DAB1: variants seen among roughly 807,000 people sequenced by gnomAD.
DAB1 encodes DAB adaptor protein 1.
Under a neutral mutation model 64.6 loss-of-function variants are expected in DAB1, and 15 were observed. The observed-to-expected ratio is 0.23, with a 90% CI of 0.16 to 0.36. The LOEUF (loss-of-function observed/expected upper bound fraction) is 0.36, where lower values mean the gene tolerates loss of function less well. Ranked by LOEUF, DAB1 falls within the 10% of genes least tolerant of loss-of-function variation. The pLI is 1.00. For synonymous variants in DAB1, 235 were observed against 251.9 expected (o/e 0.93, Z 0.64); for missense variants, 596 against 706.7 (o/e 0.84, Z 1.78).
At chr1:57,892,802 A>T (rs1036740891) in intron 5 of DAB1, among the ~76,000 whole-genome samples, 1 of 152,232 alleles carries the variant, frequency 6.6e-6, no homozygotes, top group African/African-American at 2.4e-5. Flanking sequence ...GGAACCCTGG[A>T]CAATTCCTGA....
intron 5 of DAB1, among the ~76,000 whole-genome samples, chr1:57,955,279 A>G (rs1338936276): frequency 6.6e-6 from 1 of 151,946 alleles, no homozygotes; most frequent in African/African-American, 2.4e-5. Flanking sequence ...CACCTCAACC[A>G]TCTCATAAAC....
intron 2 of DAB1, among the ~76,000 whole-genome samples, chr1:57,252,221 A>G (rs1030983630): frequency 2.6e-4 from 39 of 152,202 alleles, no homozygotes; most frequent in African/African-American, 8.9e-4. Flanking sequence ...TTATCAGCGC[A>G]AATCTGGCCC....
chr1:57,409,205 G>T (rs540028250), intron 1 of DAB1, among the ~76,000 whole-genome samples: 5 of 152,324 alleles, frequency 3.3e-5, no homozygotes, highest in African/African-American at 1.2e-4. Flanking sequence ...AGAGGTAGCA[G>T]ATAGTGTTAC....
At chr1:58,026,451 G>T (rs1461332691) in intron 5 of DAB1, among the ~76,000 whole-genome samples, 1 of 152,112 alleles carries the variant, frequency 6.6e-6, no homozygotes, top group Non-Finnish European at 1.5e-5. Context: ...AATCTCATAA[G>T]GCTGTTATGG....
intron 2 of DAB1, among the ~76,000 whole-genome samples, chr1:58,514,315 C>T (rs924421954): frequency 6.6e-6 from 1 of 152,128 alleles, no homozygotes; most frequent in Non-Finnish European, 1.5e-5. Flanking sequence ...AAAAATTGTT[C>T]TTATAATTTC....
chr1:57,117,040 A>G (rs954851242), intron 4 of DAB1, among the ~76,000 whole-genome samples: 2 of 152,204 alleles, frequency 1.3e-5, no homozygotes, highest in African/African-American at 4.8e-5. Context: ...TTGTACCTAC[A>G]TGGAAAAAAC....
intron 1 of DAB1, among the ~76,000 whole-genome samples, chr1:57,296,561 T>G (rs967532947): frequency 2.0e-5 from 3 of 151,942 alleles, no homozygotes; most frequent in African/African-American, 7.3e-5. Flanking sequence ...AAACAAAAAA[T>G]GATGAGAGAA....
At chr1:57,988,033 C>T (rs1646265759) in intron 5 of DAB1, among the ~76,000 whole-genome samples, 1 of 152,016 alleles carries the variant, frequency 6.6e-6, no homozygotes, top group Non-Finnish European at 1.5e-5. Flanking sequence ...ATTGGGTTGT[C>T]CCTACTGAGC....
chr1:57,177,327 A>G (rs2100950969), intron 2 of DAB1, among the ~76,000 whole-genome samples: 1 of 152,254 alleles, frequency 6.6e-6, no homozygotes, highest in East Asian at 1.9e-4. Context: ...GAGCACTCCC[A>G]TGTTGTGTAG....
chr1:57,380,784 T>C (rs1681305650), intron 1 of DAB1, among the ~76,000 whole-genome samples: 1 of 152,188 alleles, frequency 6.6e-6, no homozygotes, highest in Admixed American at 6.5e-5. Context: ...CTTTGATTTA[T>C]AACATGCAGG....
chr1:57,360,405 T>C (rs897395235), intron 1 of DAB1, among the ~76,000 whole-genome samples: 1 of 152,100 alleles, frequency 6.6e-6, no homozygotes, highest in African/African-American at 2.4e-5. Flanking sequence ...CCAATTTGGA[T>C]AAGCCCATGT....
intron 5 of DAB1, among the ~76,000 whole-genome samples, chr1:57,974,726 T>G (rs1317171046): frequency 6.6e-6 from 1 of 152,160 alleles, no homozygotes; most frequent in Non-Finnish European, 1.5e-5. Context: ...TGCACATATA[T>G]CTTCCATACC....
chr1:57,977,035 C>T (rs1244767245), intron 5 of DAB1, among the ~76,000 whole-genome samples: 1 of 152,202 alleles, frequency 6.6e-6, no homozygotes, highest in Non-Finnish European at 1.5e-5. Context: ...TAACTTTCAA[C>T]ATGATTTCAT....
chr1:58,382,719 G>C (rs1160838467), intron 3 of DAB1, among the ~76,000 whole-genome samples: 1 of 152,184 alleles, frequency 6.6e-6, no homozygotes, highest in Non-Finnish European at 1.5e-5. Flanking sequence ...TTTGGTTATT[G>C]CTCATTTGGA....
At chr1:57,042,162 C>T (rs183813337) in intron 9 of DAB1, among the ~76,000 whole-genome samples, 5 of 152,214 alleles carry the variant, frequency 3.3e-5, no homozygotes, top group African/African-American at 1.2e-4. Context: ...CTCTGAGGAT[C>T]GAATGAGGCA....
At chr1:57,996,084 C>A (rs1225061991) in intron 5 of DAB1, among the ~76,000 whole-genome samples, 1 of 151,970 alleles carries the variant, frequency 6.6e-6, no homozygotes, top group Admixed American at 6.6e-5. Context: ...CATGGTGAAA[C>A]CCCGTCTCTA....
At chr1:57,156,550 A>G (rs61765334) in intron 2 of DAB1, among the ~76,000 whole-genome samples, 15,301 of 152,170 alleles carry the variant, frequency 0.1, 880 homozygotes, top group East Asian at 0.26. Flanking sequence ...AAAGTGGGTA[A>G]TGGACTCCAG....
At chr1:57,125,083 T>C (rs1388924631) in intron 4 of DAB1, among the ~76,000 whole-genome samples, 1 of 152,188 alleles carries the variant, frequency 6.6e-6, no homozygotes, top group African/African-American at 2.4e-5. Context: ...CACAGAAGAT[T>C]TGACAACCCC....
chr1:57,425,427 A>G (rs768929059), upstream of DAB1, among the ~76,000 whole-genome samples: 1 of 152,062 alleles, frequency 6.6e-6, no homozygotes, highest in Admixed American at 6.5e-5. Context: ...TGTTACCTCC[A>G]GAGTCAATGG....
Sources: allele counts gnomAD v4.1 joint callset (sites outside exome capture counted in the v4.1 genomes callset), GRCh38; gene constraint gnomAD v4.1.1; transcripts MANE v1.5; gene names NCBI Gene and HGNC (gene_info 2026-07-23, HGNC 2026-07-21).